The following APOBEC1 variants were observed in gnomAD, a reference collection of about 807,000 sequenced individuals.
APOBEC1 encodes C->U-editing enzyme APOBEC-1.
In APOBEC1, 22 loss-of-function variants were observed where a neutral mutation model predicts 26.3. That is an observed-to-expected ratio of 0.84 (90% CI 0.60 to 1.19). The LOEUF (loss-of-function observed/expected upper bound fraction) is 1.19, where lower values mean the gene tolerates loss of function less well. APOBEC1 is among the 50% of genes most tolerant of loss of function. The pLI is 0.00. For synonymous variants in APOBEC1, 77 were observed against 95.3 expected, an observed-to-expected ratio of 0.81 and a Z score of 1.12; for missense variants, 253 against 289.0, an observed-to-expected ratio of 0.88 and a Z score of 0.90.
chr12:7,666,755 C>T (rs946585686), upstream of APOBEC1, among the ~76,000 whole-genome samples: 4 of 152,158 alleles, frequency 2.6e-5, no homozygotes, highest in Admixed American at 6.6e-5. Flanking sequence ...TCTCATTTTG[C>T]TCTCTGTCCT....
At chr12:7,668,736 TG>T (rs1198961119), upstream of APOBEC1, among the ~76,000 whole-genome samples, 5 of 152,246 alleles carry the variant, frequency 3.3e-5, no homozygotes, top group East Asian at 9.6e-4. Context: ...TTTGTTTTTT[TG>T]TTTTTTTTTA....
Position 7,651,079 on chromosome 12 carries a change from G to A in APOBEC1, c.505C>T (p.Gln169Ter). 3 of 1,614,124 alleles carry A rather than the reference G, an allele frequency of 1.9e-6. No individual in the cohort carries two copies. The highest frequency in any genetic ancestry group is 1.7e-6 in the Non-Finnish European group (2 of 1,179,986). ...YPPGDEAHWP[Q>*]YPPLWMMLYA... ...AACATCATCCACAGAGGTGGGTATTGTGGCCAGTGAGCTTCATCCCCAGGT... is the reference window on the plus strand; with the variant it reads ...AACATCATCCACAGAGGTGGGTATTATGGCCAGTGAGCTTCATCCCCAGGT... The change falls in exon 4 of 5, where the codon CAA becomes TAA. Residue 169 changes from glutamine to a stop codon, truncating the protein, a stop_gained. Transcript: ENST00000229304. LOFTEE classifies it high-confidence loss of function.
intron 1 of APOBEC1, among the ~76,000 whole-genome samples, chr12:7,658,714 A>T (rs1330943321): frequency 6.6e-6 from 1 of 152,122 alleles, no homozygotes; most frequent in Non-Finnish European, 1.5e-5. Flanking sequence ...TGACTTTGGG[A>T]GGCTGAGGCA....
At chr12:7,654,365 A>G (rs1592058277) in intron 2 of APOBEC1, among the ~76,000 whole-genome samples, 1 of 125,042 alleles carries the variant, frequency 8.0e-6, no homozygotes, top group Non-Finnish European at 1.6e-5. Flanking sequence ...AGCTATATCC[A>G]CAGTTCCTTT....
rs1217027746 is a variant in APOBEC1, at chr12:7,658,960, A to AG, written c.17-4329_17-4328insC. Among the ~76,000 whole-genome samples the AG allele has an allele frequency of 6.3e-5, 9 of 142,344 alleles. No individual in the cohort carries two copies. In the East Asian group the frequency reaches 7.0e-4, roughly 11 times the overall value. 93.4% of individuals were successfully genotyped at this position (142,344 alleles called of 152,430 possible). ...GAGAGCAAAACTCCATGTCAAAAGA[A>AG]AAAAAAAAAAAGCACTTCCACCAAA... On this transcript the variant is annotated intron_variant, in intron 1 of 4. Coordinates refer to ENST00000229304, the MANE Select transcript of APOBEC1 (RefSeq NM_001644.5).
At chr12:7,665,972 A>G, upstream of APOBEC1, 1 of 1,263,292 alleles carries the variant, frequency 7.9e-7, no homozygotes, top group Non-Finnish European at 1.2e-6. Flanking sequence ...CTGCTTGGGC[A>G]GAGGATGACT....
chr12:7,666,848 A>G (rs1013699712), upstream of APOBEC1, among the ~76,000 whole-genome samples: 3 of 151,348 alleles, frequency 2.0e-5, no homozygotes, highest in African/African-American at 7.3e-5. Flanking sequence ...ATTTGTGTAC[A>G]GGTCTTTGGT....
intron 1 of APOBEC1, among the ~76,000 whole-genome samples, chr12:7,661,037 C>CAAAAAAAAAAAA (rs764452957): frequency 1.1e-5 from 1 of 91,046 alleles, no homozygotes; most frequent in African/African-American, 3.9e-5. Context: ...ACTAAAAATA[C>CAAAAAAAAAAAA]AAAAAAAAAA....
At chr12:7,651,283 A>G (rs1863634349) in intron 3 of APOBEC1, 142 bp from the exon 4 acceptor site, 3 of 638,608 alleles carry the variant, frequency 4.7e-6, no homozygotes, top group Admixed American at 5.6e-5. Flanking sequence ...AAAAGAATAA[A>G]GCAGTTCATT....
At chr12:7,652,315 C>T in intron 3 of APOBEC1, 123 bp downstream of exon 3, 1 of 846,524 alleles carries the variant, frequency 1.2e-6, no homozygotes, top group Non-Finnish European at 1.8e-6. Context: ...TCCTTTATGA[C>T]ATTATTTTGG....
intron 3 of APOBEC1, among the ~76,000 whole-genome samples, chr12:7,651,786 C>T (rs1387665328): frequency 6.6e-6 from 1 of 151,092 alleles, no homozygotes; most frequent in Non-Finnish European, 1.5e-5. Flanking sequence ...TGCTGCCATG[C>T]CTGTCTGATT....
In APOBEC1 at chr12:7,651,083, C is replaced by T; in HGVS notation, c.501G>A (p.Trp167Ter). The stretch of plus-strand genomic sequence containing the variant: ...TCATCCACAGAGGTGGGTATTGTGG[C>T]CAGTGAGCTTCATCCCCAGGTGGGT... Reference protein sequence around the residue: ...VNYPPGDEAHWPQYPPLWMML... With the variant: ...VNYPPGDEAH The change falls in exon 4 of 5, where the codon TGG becomes TGA. Residue 167 changes from tryptophan (W) to a stop codon, truncating the protein, a stop_gained. Coordinates refer to ENST00000229304, the MANE Select transcript of APOBEC1 (RefSeq NM_001644.5). LOFTEE classifies it high-confidence loss of function. 1 of 1,614,122 alleles carries T rather than the reference C, an allele frequency of 6.2e-7. No individual in the cohort carries two copies. Among genetic ancestry groups the T allele is most frequent in the Non-Finnish European group, 8.5e-7 (1 of 1,180,004 alleles).
intron 1 of APOBEC1, among the ~76,000 whole-genome samples, chr12:7,660,375 G>GGAAGGAAGGAAGGAAAGAAAGAAAGAAA (rs61183510): frequency 4.2e-5 from 1 of 23,968 alleles, no homozygotes; most frequent in African/African-American, 1.3e-4. Flanking sequence ...AAGGAAGGAA[G>GGAAGGAAGGAAGGAAAGAAAGAAAGAAA]GAAAGAAAGA....
Position 7,652,834 on chromosome 12 carries a change from T to G in APOBEC1, c.46A>C (p.Arg16=). 6.4e-7 allele frequency: 1 copy of G among 1,572,106 alleles called. No individual in the cohort carries two copies. The highest frequency in any genetic ancestry group is 1.2e-5 in the South Asian group (1 of 85,636). ...GPSTGDPTLR[R]RIEPWEFDVF... is the part of the protein sequence containing the mutation. ...TCAAACTCCCAGGGTTCGATTCTTC[T>G]CCTGAAATACAAAAAGCAGCCCACA... The change falls in exon 3 of 5, where the codon AGA becomes CGA. Residue 16 remains arginine (R), a splice_region_variant and synonymous_variant. Transcript: ENST00000229304.
upstream of APOBEC1, among the ~76,000 whole-genome samples, chr12:7,666,144 C>T (rs1863889576): frequency 6.6e-6 from 1 of 152,092 alleles, no homozygotes; most frequent in Non-Finnish European, 1.5e-5. Context: ...TACCAAATTC[C>T]AAAGTTCTTC....
At chr12:7,652,966 G>A (rs774350785) in intron 2 of APOBEC1, 131 bp from the exon 3 acceptor site, 15 of 814,802 alleles carry the variant, frequency 1.8e-5, no homozygotes, top group Non-Finnish European at 2.1e-5. Context: ...GTCTCACACT[G>A]TTGCCCAGAC....
At chr12:7,668,737 G>GT (rs887679970), upstream of APOBEC1, among the ~76,000 whole-genome samples, 34 of 150,514 alleles carry the variant, frequency 2.3e-4, no homozygotes, top group Non-Finnish European at 2.2e-4. Context: ...TTGTTTTTTT[G>GT]TTTTTTTTTA....
intron 1 of APOBEC1, among the ~76,000 whole-genome samples, chr12:7,660,329 A>AG (rs1565442267): frequency 4.1e-4 from 50 of 121,778 alleles, no homozygotes; most frequent in South Asian, 9.8e-4. Context: ...GAAGGAAGGA[A>AG]GGAAGGGAAG....
At position 7,658,045 on chromosome 12, in the gene APOBEC1, C is replaced by CTGTTTTGTTTTGTTT. The variant is rs75339711; in HGVS notation, c.17-3428_17-3414dup. On this transcript the variant is annotated intron_variant, in intron 1 of 4. Coordinates refer to ENST00000229304, the MANE Select transcript of APOBEC1 (RefSeq NM_001644.5). ...AGAATCACCTGGAAATTGATTTGTTCTGTTTTGTTTTGTTTTGTTTTGTTT... is the reference window on the plus strand; with the variant it reads ...AGAATCACCTGGAAATTGATTTGTTCTGTTTTGTTTTGTTTTGTTTTGTTTTGTTTTGTTTTGTTT... 9.6e-4 allele frequency among the ~76,000 whole-genome samples: 144 copies of CTGTTTTGTTTTGTTT among 149,710 alleles called. 1 individual carries two copies. Among genetic ancestry groups the CTGTTTTGTTTTGTTT allele is most frequent in the Admixed American group, 1.7e-3 (26 of 14,912 alleles).
Sources: allele counts gnomAD v4.1 joint callset (sites outside exome capture counted in the v4.1 genomes callset), GRCh38; gene constraint gnomAD v4.1.1; transcripts MANE v1.5; gene names NCBI Gene and HGNC (gene_info 2026-07-23, HGNC 2026-07-21).